The following CNTN5 variants were observed in gnomAD, a reference collection of about 807,000 sequenced individuals.
CNTN5 encodes the protein contactin 5, also known as contactin-5.
CNTN5 carries 77 observed loss-of-function variants against 129.1 expected under a neutral mutation model. That is an observed-to-expected ratio of 0.60 (90% CI 0.50 to 0.72). CNTN5 has a LOEUF of 0.72. Ranked by LOEUF, CNTN5 falls within the 30% of genes least tolerant of loss-of-function variation. The probability of loss-of-function intolerance (pLI) is 0.00; values close to 1 mark genes in which losing one functional copy is unlikely to be tolerated. For missense variants in CNTN5, 1,478 were observed against 1,328.8 expected (o/e 1.11, Z -1.75); for synonymous variants, 509 against 465.6 (o/e 1.09, Z -1.20).
chr11:99,767,580 AG>A (rs1454095146), intron 3 of CNTN5, among the ~76,000 whole-genome samples: 1 of 151,206 alleles, frequency 6.6e-6, no homozygotes, highest in Non-Finnish European at 1.5e-5. Context: ...TTTTTGGAAA[AG>A]CTTCTTATTT....
chr11:99,876,527 G>A (rs1948637131), intron 6 of CNTN5, among the ~76,000 whole-genome samples: 1 of 152,136 alleles, frequency 6.6e-6, no homozygotes, highest in Admixed American at 6.5e-5. Context: ...GCATTAAGGA[G>A]TACAGTGGGG....
chr11:99,686,872 T>C (rs1953816729), intron 3 of CNTN5, among the ~76,000 whole-genome samples: 1 of 152,142 alleles, frequency 6.6e-6, no homozygotes. Flanking sequence ...GATGTGAACC[T>C]TTATTTTGCC....
chr11:99,044,802 C>A (rs1298584799), intron 1 of CNTN5, among the ~76,000 whole-genome samples: 2 of 152,064 alleles, frequency 1.3e-5, no homozygotes, highest in African/African-American at 4.8e-5. Flanking sequence ...GATAATAATG[C>A]AAATATAAGG....
intron 16 of CNTN5, among the ~76,000 whole-genome samples, chr11:100,247,426 A>C (rs543518004): frequency 4.7e-4 from 72 of 152,322 alleles, no homozygotes; most frequent in African/African-American, 1.7e-3. Context: ...GGTTACTCTC[A>C]TGAGACTGAA....
intron 1 of CNTN5, among the ~76,000 whole-genome samples, chr11:99,220,714 C>A (rs75054897): frequency 6.6e-6 from 1 of 151,868 alleles, no homozygotes; most frequent in Non-Finnish European, 1.5e-5. Context: ...TGGCACAAAT[C>A]AAAAGGTCTG....
At chr11:100,034,956 T>C (rs956118874) in intron 9 of CNTN5, among the ~76,000 whole-genome samples, 2 of 152,116 alleles carry the variant, frequency 1.3e-5, no homozygotes, top group African/African-American at 4.8e-5. Context: ...CAAAACTTCT[T>C]TCTGTATCTT....
chr11:99,801,388 C>T (rs1946109569), intron 3 of CNTN5, among the ~76,000 whole-genome samples: 1 of 152,090 alleles, frequency 6.6e-6, no homozygotes, highest in African/African-American at 2.4e-5. Context: ...TGACTTTGGA[C>T]AGTGTGATTA....
At chr11:99,635,229 C>G (rs1951507663) in intron 3 of CNTN5, among the ~76,000 whole-genome samples, 2 of 152,124 alleles carry the variant, frequency 1.3e-5, no homozygotes. Context: ...ACAGAGTGTT[C>G]TGAATCAAAA....
intron 8 of CNTN5, among the ~76,000 whole-genome samples, chr11:99,964,754 C>T (rs186391397): frequency 6.6e-6 from 1 of 152,080 alleles, no homozygotes; most frequent in Non-Finnish European, 1.5e-5. Flanking sequence ...CTTCTTGTAC[C>T]TCTGGTAGAA....
chr11:100,195,461 T>C (rs1272795183), intron 15 of CNTN5, among the ~76,000 whole-genome samples: 1 of 151,956 alleles, frequency 6.6e-6, no homozygotes, highest in East Asian at 1.9e-4. Context: ...GAACATCTGC[T>C]GTATTCTTCT....
At position 100,058,389 on chromosome 11, in the gene CNTN5, T is replaced by C. The variant is rs191141382; in HGVS notation, c.981-2823T>C. ...TTTACCAAGCAGTCACTCACCATTATGCTACTGCATCTGTCAAAGTTATCC... is the reference window on the plus strand; with the variant it reads ...TTTACCAAGCAGTCACTCACCATTACGCTACTGCATCTGTCAAAGTTATCC... On this transcript the variant is annotated intron_variant, in intron 9 of 24. Transcript: ENST00000524871. Among the ~76,000 whole-genome samples the C allele has an allele frequency of 1.1e-4, 16 of 146,940 alleles. No individual in the cohort carries two copies. In the East Asian group the frequency reaches 3.3e-3, roughly 31 times the overall value.
At chr11:99,161,965 C>T (rs1860631402) in intron 1 of CNTN5, among the ~76,000 whole-genome samples, 1 of 152,146 alleles carries the variant, frequency 6.6e-6, no homozygotes, top group African/African-American at 2.4e-5. Flanking sequence ...CCTTACCTAA[C>T]ATCCATTTAG....
At chr11:99,211,241 T>C (rs1859765299) in intron 1 of CNTN5, among the ~76,000 whole-genome samples, 1 of 152,172 alleles carries the variant, frequency 6.6e-6, no homozygotes, top group African/African-American at 2.4e-5. Flanking sequence ...GTTTAGTCAC[T>C]TGTTTTGTTT....
chr11:100,212,094 C>T (rs1298949559), intron 15 of CNTN5, among the ~76,000 whole-genome samples: 38 of 152,110 alleles, frequency 2.5e-4, no homozygotes, highest in Admixed American at 2.5e-3. Flanking sequence ...CTCTGTCCTA[C>T]TGTAGTCCTG....
chr11:99,990,333 G>A (rs1938984599), intron 8 of CNTN5, among the ~76,000 whole-genome samples: 1 of 151,782 alleles, frequency 6.6e-6, no homozygotes, highest in African/African-American at 2.4e-5. Context: ...CTGATGCTTG[G>A]AAAGGGAAAA....
chr11:100,170,711 A>T (rs191117966), intron 13 of CNTN5, among the ~76,000 whole-genome samples: 4 of 151,986 alleles, frequency 2.6e-5, no homozygotes, highest in Admixed American at 2.0e-4. Flanking sequence ...TCTATGGTGG[A>T]GTACAAATTG....
At chr11:100,162,812 CT>C (rs201863829) in intron 13 of CNTN5, among the ~76,000 whole-genome samples, 3,689 of 151,866 alleles carry the variant, frequency 0.024, 62 homozygotes, top group Non-Finnish European at 0.038. Context: ...ATGTATATTT[CT>C]TGGTAACTGC....
Position 99,974,197 on chromosome 11 carries a change from T to A in CNTN5, c.877+17188T>A, listed in dbSNP as rs529558504. Among the ~76,000 whole-genome samples, 7 of 152,220 alleles carry A rather than the reference T, an allele frequency of 4.6e-5. No individual in the cohort carries two copies. The South Asian group carries it at 1.5e-3, about 32-fold the overall frequency. On this transcript the variant is annotated intron_variant, in intron 8 of 24. Coordinates refer to ENST00000524871, the MANE Select transcript of CNTN5 (RefSeq NM_014361.4). ...AGCAAAACAGCATTTTGAGCTTATCTTTTTTTTCTAGGTAAAGAACCTGTG... is the reference window on the plus strand; with the variant it reads ...AGCAAAACAGCATTTTGAGCTTATCATTTTTTTCTAGGTAAAGAACCTGTG...
In CNTN5 at chr11:99,427,394, T is replaced by C. The variant is rs369693003; in HGVS notation, c.-71+101910T>C. ...ATGAAAAACTTGAAGGAAAGAGTTATTATCTCAGGCCTTCTCAAAGGGGAG... is the reference window on the plus strand; with the variant it reads ...ATGAAAAACTTGAAGGAAAGAGTTACTATCTCAGGCCTTCTCAAAGGGGAG... On this transcript the variant is annotated intron_variant, in intron 2 of 24. Coordinates refer to ENST00000524871, the MANE Select transcript of CNTN5 (RefSeq NM_014361.4). Among the ~76,000 whole-genome samples, 117 of 152,288 alleles carry C rather than the reference T, an allele frequency of 7.7e-4. 6 individuals carry two copies. In the South Asian group the frequency reaches 0.024, roughly 31 times the overall value.
Sources: gnomAD v4.1 joint callset for allele counts (sites outside exome capture counted in the v4.1 genomes callset) on GRCh38, gnomAD v4.1.1 for gene constraint, MANE v1.5 for transcripts, NCBI Gene and HGNC (gene_info 2026-07-23, HGNC 2026-07-21) for gene names.